Variants in ARHGAP23 observed in about 807,000 individuals in gnomAD.
ARHGAP23 encodes the protein Rho GTPase activating protein 23, also known as rho GTPase-activating protein 23.
In ARHGAP23, 34 loss-of-function variants were observed where a neutral mutation model predicts 136.3. The ratio of observed to expected loss-of-function variants is 0.25; its 90% CI spans 0.19 to 0.33. The LOEUF (loss-of-function observed/expected upper bound fraction) is 0.33, where lower values mean the gene tolerates loss of function less well. Ranked by LOEUF, ARHGAP23 falls within the 10% of genes least tolerant of loss-of-function variation. The probability of loss-of-function intolerance (pLI) is 1.00; values close to 1 mark genes in which losing one functional copy is unlikely to be tolerated. For synonymous variants in ARHGAP23, 832 were observed against 920.5 expected (o/e 0.90, Z 1.74); for missense variants, 1,808 against 2,139.0 (o/e 0.85, Z 3.05).
chr17:38,504,080 G>GCCCTGCCT (rs2040577815), intron 23 of ARHGAP23, among the ~76,000 whole-genome samples: 1 of 152,174 alleles, frequency 6.6e-6, no homozygotes, highest in Non-Finnish European at 1.5e-5. Context: ...CTCAGGCAGG[G>GCCCTGCCT]GAGCTGGTTA....
intron 1 of ARHGAP23, among the ~76,000 whole-genome samples, chr17:38,436,148 G>C (rs558270868): frequency 6.6e-6 from 1 of 152,308 alleles, no homozygotes; most frequent in East Asian, 1.9e-4. Flanking sequence ...TGGGTCCAGA[G>C]CCCAGGAGAT....
At chr17:38,480,848 C>T (rs929014322) in intron 14 of ARHGAP23, among the ~76,000 whole-genome samples, 2 of 151,370 alleles carry the variant, frequency 1.3e-5, no homozygotes, top group Non-Finnish European at 2.9e-5. Context: ...TCCCTTGGGC[C>T]AGCAGACATG....
rs1272761284 is a variant in ARHGAP23, at chr17:38,510,298, C to T, written c.3802C>T (p.Arg1268Trp). 6.3e-6 allele frequency: 8 copies of T among 1,279,752 alleles called. No homozygotes were observed. In the South Asian group the frequency reaches 8.1e-5, roughly 13 times the overall value. 79.3% of individuals were successfully genotyped at this position (1,279,752 alleles called of 1,614,324 possible). Reference sequence around the variant, plus strand: ...CGTGTGCTCGGGCGCTAGCGGTCGGCGGGCAGGGGCGGGGGATGAGGCGGA... The same window carrying T: ...CGTGTGCTCGGGCGCTAGCGGTCGGTGGGCAGGGGCGGGGGATGAGGCGGA... ...RSVCSGASGRRAGAGDEADDE... is the reference protein window; with the variant it reads ...RSVCSGASGRWAGAGDEADDE... Residue 1268 changes from arginine to tryptophan, a missense_variant, in exon 24 of 24, where the codon CGG (arginine) becomes TGG (tryptophan). Arg to Trp is a moderately radical substitution (Grantham distance 101). This residue lies in a region of ARHGAP23 where 506 missense variants were observed against 455.8 expected (regional missense o/e 1.11). Coordinates refer to ENST00000622683, the MANE Select transcript of ARHGAP23 (RefSeq NM_001199417.2). The surrounding 1 kb of genome is among the most constrained non-coding windows in gnomAD (Gnocchi z 4.6).
intron 20 of ARHGAP23, among the ~76,000 whole-genome samples, chr17:38,494,946 C>T (rs902795640): frequency 2.3e-4 from 35 of 152,144 alleles, no homozygotes; most frequent in African/African-American, 3.6e-4. Flanking sequence ...CCTGCATTAA[C>T]GGCTGGCTTC....
At position 38,510,743 on chromosome 17, in the gene ARHGAP23, A is replaced by T. The variant is rs1597860411; in HGVS notation, c.4247A>T (p.Asp1416Val). 1 of 1,482,268 alleles carries T rather than the reference A, an allele frequency of 6.7e-7. No individual in the cohort carries two copies. 91.8% of individuals were successfully genotyped at this position (1,482,268 alleles called of 1,614,324 possible). Residue 1416 changes from aspartate (D) to valine (V), a missense_variant, in exon 24 of 24, where the codon GAC becomes GTC. Asp to Val is a radical substitution (Grantham distance 152). This residue lies in a region of ARHGAP23 where 506 missense variants were observed against 455.8 expected (regional missense o/e 1.11). Transcript: ENST00000622683. This position sits in a 1 kb window ranked among gnomAD's most constrained non-coding sequence, Gnocchi z 4.6. ...GTGGTGGTGCAGAGCCCGCTGACTGACCTCAACTTCAACGAGTGGAAGGAG... is the reference window on the plus strand; with the variant it reads ...GTGGTGGTGCAGAGCCCGCTGACTGTCCTCAACTTCAACGAGTGGAAGGAG... ...HTVVVQSPLT[D>V]LNFNEWKELG...
intron 1 of ARHGAP23, among the ~76,000 whole-genome samples, chr17:38,430,496 T>C (rs1032004729): frequency 1.3e-5 from 2 of 152,136 alleles, no homozygotes; most frequent in Admixed American, 6.5e-5. Flanking sequence ...AGGGTGCTGG[T>C]TCTGAGCAGA....
chr17:38,423,564 GATTTCACC>G (rs1256302845), upstream of ARHGAP23, among the ~76,000 whole-genome samples: 2 of 151,996 alleles, frequency 1.3e-5, no homozygotes, highest in African/African-American at 4.8e-5. Context: ...GTAGAGATGG[GATTTCACC>G]ATGTTGGCCA....
chr17:38,489,821 C>A (rs1194516414), intron 17 of ARHGAP23: 3 of 386,598 alleles, frequency 7.8e-6, no homozygotes, highest in East Asian at 9.1e-5. Context: ...GGCAGGGACC[C>A]CTTTTCTGGG....
upstream of ARHGAP23, among the ~76,000 whole-genome samples, chr17:38,427,080 G>A (rs1452917957): frequency 6.6e-6 from 1 of 152,224 alleles, no homozygotes; most frequent in Non-Finnish European, 1.5e-5. Flanking sequence ...AAAAAGTCAT[G>A]GGAAAGAGGT....
chr17:38,466,200 G>A lies in ARHGAP23; in HGVS notation c.517G>A (p.Glu173Lys). The change falls in exon 7 of 24, where the codon GAG (glutamate) becomes AAG (lysine). Residue 173 changes from glutamate (E) to lysine (K), a missense_variant. This residue lies in a region of ARHGAP23 where 859 missense variants were observed against 936.4 expected (regional missense o/e 0.92). Transcript: ENST00000622683. Reference sequence around the variant, plus strand: ...CCAGGATGCCTACCTGAAAGGGAACGAGCCGTATTCTGGAGAGGCCCGCAG... The same window carrying A: ...CCAGGATGCCTACCTGAAAGGGAACAAGCCGTATTCTGGAGAGGCCCGCAG... ...YSQDAYLKGN[E>K]PYSGEARSIP... The A allele has an allele frequency of 2.6e-6, 4 of 1,523,074 alleles. No individual in the cohort carries two copies. Among genetic ancestry groups the A allele is most frequent in the East Asian group, 2.5e-5 (1 of 40,426 alleles). The allele number at this position is 1,523,074 out of a possible 1,614,324, so 94.3% of individuals were successfully genotyped here.
chr17:38,429,242 G>C (rs2038634167), intron 1 of ARHGAP23, among the ~76,000 whole-genome samples: 1 of 152,244 alleles, frequency 6.6e-6, no homozygotes, highest in South Asian at 2.1e-4. Context: ...GCGCTGGGCT[G>C]CTCTGCCTGG....
chr17:38,458,727 A>T (rs1011050894), intron 2 of ARHGAP23, among the ~76,000 whole-genome samples: 1 of 152,190 alleles, frequency 6.6e-6, no homozygotes, highest in Non-Finnish European at 1.5e-5. Context: ...GAGCCCTCCC[A>T]GCACGCCCCT....
upstream of ARHGAP23, chr17:38,428,433 C>G: frequency 8.6e-7 from 1 of 1,166,680 alleles, no homozygotes; most frequent in Non-Finnish European, 1.1e-6. Flanking sequence ...CCTCCCGGGT[C>G]CCTGCCGGCG....
Position 38,490,851 on chromosome 17 carries a change from A to ACC in ARHGAP23, c.3150+303_3150+304dup, listed in dbSNP as rs200655421. The stretch of plus-strand genomic sequence containing the variant: ...CCTCGCATTGCATTTTCCTCATCAA[A>ACC]CCCCTTATGCCTTCTGGTTCTGCAG... On this transcript the variant is annotated intron_variant, in intron 19 of 23. Coordinates refer to ENST00000622683, the MANE Select transcript of ARHGAP23 (RefSeq NM_001199417.2). 6.3e-3 allele frequency among the ~76,000 whole-genome samples: 963 copies of ACC among 151,978 alleles called. 11 individuals carry two copies. The highest frequency in any genetic ancestry group is 0.022 in the African/African-American group (922 of 41,402).
intron 11 of ARHGAP23, among the ~76,000 whole-genome samples, chr17:38,473,807 G>C (rs1040539524): frequency 1.3e-5 from 2 of 151,962 alleles, no homozygotes; most frequent in African/African-American, 2.4e-5. Flanking sequence ...CCTGGGGAGA[G>C]GGGTGCTGGG....
At chr17:38,462,354 A>T (rs1365962261) in intron 3 of ARHGAP23, among the ~76,000 whole-genome samples, 1 of 146,740 alleles carries the variant, frequency 6.8e-6, no homozygotes, top group East Asian at 2.1e-4. Context: ...CCCAGGTTCA[A>T]GTGTTTCTCC....
chr17:38,490,649 C>T lies in ARHGAP23; in HGVS notation c.3150+98C>T. ...CTGAGCTCCAGCAGGTCCAGTAACT[C>T]AGGCCCCTCTAGGCACGCCCTCCTC... is the stretch of plus-strand genomic sequence containing the variant. On this transcript the variant is annotated intron_variant, in intron 19 of 23. Transcript: ENST00000622683. The T allele has an allele frequency of 3.0e-6, 3 of 991,304 alleles. No homozygotes were observed. The South Asian group carries it at 4.1e-5, about 14-fold the overall frequency. 61.4% of individuals were successfully genotyped at this position (991,304 alleles called of 1,614,324 possible). A position where few individuals can be genotyped will look rare whatever the true frequency, so the allele number is the denominator to read the frequency against.
At chr17:38,432,656 G>A (rs1470855931) in intron 1 of ARHGAP23, among the ~76,000 whole-genome samples, 1 of 151,734 alleles carries the variant, frequency 6.6e-6, no homozygotes, top group African/African-American at 2.4e-5. Context: ...TCTAGTCTGA[G>A]TGACAAGAGC....
intron 23 of ARHGAP23, among the ~76,000 whole-genome samples, chr17:38,508,056 C>A (rs1438036362): frequency 6.6e-6 from 1 of 152,232 alleles, no homozygotes. Flanking sequence ...ATTGTTTGTT[C>A]ATTTCATGTT....
Sources: allele counts gnomAD v4.1 joint callset (sites outside exome capture counted in the v4.1 genomes callset), GRCh38; gene constraint gnomAD v4.1.1; regional missense constraint gnomAD v4.1.1; non-coding constraint Gnocchi (gnomAD v3.1); transcripts MANE v1.5; gene names NCBI Gene and HGNC (gene_info 2026-07-23, HGNC 2026-07-21).